Variants in AUTS2 observed in about 807,000 individuals in gnomAD.
The protein encoded by AUTS2 is autism susceptibility gene 2 protein.
A neutral mutation model predicts 112.4 loss-of-function variants in AUTS2; 17 were observed. The observed-to-expected ratio is 0.15, with a 90% CI of 0.10 to 0.23. The LOEUF is 0.23. AUTS2 is among the 10% of genes least tolerant of loss of function. The pLI is 1.00. For missense variants in AUTS2, 1,510 were observed against 1,701.6 expected (o/e 0.89, Z 1.98); for synonymous variants, 751 against 702.7 (o/e 1.07, Z -1.09).
At chr7:69,966,431 C>T (rs930117639) in intron 2 of AUTS2, among the ~76,000 whole-genome samples, 1 of 152,124 alleles carries the variant, frequency 6.6e-6, no homozygotes, top group South Asian at 2.1e-4. Context: ...ATATTTCAGA[C>T]CTTTTTGGAC....
chr7:70,719,416 G>A (rs1206497545), intron 6 of AUTS2, among the ~76,000 whole-genome samples: 3 of 152,182 alleles, frequency 2.0e-5, no homozygotes, highest in South Asian at 2.1e-4. Flanking sequence ...GAGCCGGCTC[G>A]GAACAAGCAG....
At chr7:70,161,283 GT>G (rs772805647) in intron 4 of AUTS2, among the ~76,000 whole-genome samples, 34 of 145,936 alleles carry the variant, frequency 2.3e-4, no homozygotes, top group Middle Eastern at 3.5e-3. Flanking sequence ...TTTCTTGCTA[GT>G]TTTTTTTTTT....
At chr7:70,102,774 A>G (rs865785799) in intron 2 of AUTS2, among the ~76,000 whole-genome samples, 3 of 152,074 alleles carry the variant, frequency 2.0e-5, no homozygotes, top group Non-Finnish European at 2.9e-5. Context: ...ATTTAATCCA[A>G]ATTTCTTTAA....
At chr7:69,880,186 CCA>C (rs1277162213) in intron 1 of AUTS2, among the ~76,000 whole-genome samples, 1 of 152,034 alleles carries the variant, frequency 6.6e-6, no homozygotes, top group East Asian at 1.9e-4. Flanking sequence ...GGTGGGGGTG[CCA>C]CACACTTTTA....
At chr7:69,948,384 G>A (rs1796898035) in intron 2 of AUTS2, among the ~76,000 whole-genome samples, 2 of 152,216 alleles carry the variant, frequency 1.3e-5, no homozygotes, top group African/African-American at 4.8e-5. Context: ...GTGGCCTACA[G>A]ATCAAAGATA....
At chr7:69,937,064 T>C (rs1365559391) in intron 2 of AUTS2, among the ~76,000 whole-genome samples, 2 of 152,130 alleles carry the variant, frequency 1.3e-5, no homozygotes, top group South Asian at 2.1e-4. Flanking sequence ...TGTGAGGCTC[T>C]TAGGAGCTGT....
chr7:70,682,799 C>T (rs554556737), intron 5 of AUTS2, among the ~76,000 whole-genome samples: 1 of 152,358 alleles, frequency 6.6e-6, no homozygotes, highest in South Asian at 2.1e-4. Context: ...CTGGAGCTGG[C>T]GGAGCCACAC....
intron 5 of AUTS2, among the ~76,000 whole-genome samples, chr7:70,461,297 C>G (rs998586806): frequency 6.6e-6 from 1 of 152,170 alleles, no homozygotes; most frequent in East Asian, 1.9e-4. Flanking sequence ...AGGAACGCTT[C>G]GAACTGCTGC....
At chr7:70,514,580 C>T (rs1301833911) in intron 5 of AUTS2, among the ~76,000 whole-genome samples, 3 of 152,362 alleles carry the variant, frequency 2.0e-5, no homozygotes, top group East Asian at 3.9e-4. Flanking sequence ...ATGAGAGTTC[C>T]GTCCCTATGA....
intron 15 of AUTS2, chr7:70,783,195 AATTTT>A (rs1216691081): frequency 6.6e-6 from 1 of 152,200 alleles, no homozygotes; most frequent in African/African-American, 2.4e-5. Flanking sequence ...ATGTGGCCAA[AATTTT>A]ATTTAGCTGA....
intron 2 of AUTS2, among the ~76,000 whole-genome samples, chr7:70,085,924 T>TAAA (rs35205390): frequency 6.7e-6 from 1 of 149,110 alleles, no homozygotes; most frequent in Admixed American, 6.7e-5. Context: ...AAGGGTTGTA[T>TAAA]AAAAAAAAAA....
chr7:69,841,680 T>G (rs1171019325), intron 1 of AUTS2, among the ~76,000 whole-genome samples: 2 of 152,188 alleles, frequency 1.3e-5, no homozygotes, highest in Non-Finnish European at 2.9e-5. Flanking sequence ...TGGGTATTAC[T>G]CCGGATTACA....
intron 2 of AUTS2, among the ~76,000 whole-genome samples, chr7:69,951,887 G>C (rs567122009): frequency 1.3e-5 from 2 of 152,146 alleles, no homozygotes; most frequent in African/African-American, 4.8e-5. Flanking sequence ...CCATTTGAAG[G>C]CTTCTTCCCC....
At chr7:70,554,393 CTTTT>C (rs34757734) in intron 5 of AUTS2, among the ~76,000 whole-genome samples, 4 of 116,048 alleles carry the variant, frequency 3.4e-5, no homozygotes, top group African/African-American at 1.0e-4. Context: ...TCTTTTCTTT[CTTTT>C]TTTTTTTTTT....
At position 70,071,883 on chromosome 7, in the gene AUTS2, C is replaced by T. The variant is rs147181118; in HGVS notation, c.523-46249C>T. On this transcript the variant is annotated intron_variant, in intron 2 of 18. Coordinates refer to ENST00000342771, the MANE Select transcript of AUTS2 (RefSeq NM_015570.4). ...TGTTTTATTACTTAGTCCTGTGTCA[C>T]CTGTGATGACCCATGAGAGTGGAGA... Among the ~76,000 whole-genome samples, 1,203 of 152,264 alleles carry T rather than the reference C, an allele frequency of 7.9e-3. 8 individuals carry two copies. The highest frequency in any genetic ancestry group is 0.013 in the Non-Finnish European group (885 of 68,014).
intron 2 of AUTS2, among the ~76,000 whole-genome samples, chr7:70,041,197 A>C (rs1122912): frequency 0.016 from 2,464 of 152,310 alleles, 22 homozygotes; most frequent in African/African-American, 0.028. Flanking sequence ...AAAACTTCCT[A>C]TGTGGCTTTT....
chr7:69,895,487 T>C (rs1186773710), intron 1 of AUTS2, among the ~76,000 whole-genome samples: 3 of 152,096 alleles, frequency 2.0e-5, no homozygotes, highest in Admixed American at 2.0e-4. Flanking sequence ...TCTTCATTTC[T>C]TCTTACCTCT....
Position 70,784,772 on chromosome 7 carries a change from AAC to A in AUTS2, c.2147-164_2147-163del, listed in dbSNP as rs1563197900. On this transcript the variant is annotated intron_variant, in intron 15 of 18. Coordinates refer to ENST00000342771, the MANE Select transcript of AUTS2 (RefSeq NM_015570.4). Reference sequence around the variant, plus strand: ...AAAAAAAAAAAAAAAAAAAAAAAAAAACACACATTTTCTTTTACCCTGTGTCT... The same window carrying A: ...AAAAAAAAAAAAAAAAAAAAAAAAAAACACATTTTCTTTTACCCTGTGTCT... 2.0e-3 allele frequency: 303 copies of A among 149,644 alleles called. 9 individuals carry two copies. Among genetic ancestry groups the A allele is most frequent in the South Asian group, 4.9e-3 (30 of 6,120 alleles). The allele number at this position is 149,644 out of a possible 1,614,324, so 9.3% of individuals were successfully genotyped here.
chr7:69,737,741 T>C (rs1046177177), intron 1 of AUTS2, among the ~76,000 whole-genome samples: 2 of 152,194 alleles, frequency 1.3e-5, no homozygotes, highest in Admixed American at 6.5e-5. Flanking sequence ...CCTGTTGTTC[T>C]AGGATGCTTA....
Sources: allele counts gnomAD v4.1 joint callset (sites outside exome capture counted in the v4.1 genomes callset), GRCh38; gene constraint gnomAD v4.1.1; transcripts MANE v1.5; gene names NCBI Gene and HGNC (gene_info 2026-07-23, HGNC 2026-07-21).